Variants in PRIM2 observed in about 807,000 individuals in gnomAD.
PRIM2 encodes DNA primase large subunit.
A neutral mutation model predicts 67.3 loss-of-function variants in PRIM2; 39 were observed. The observed-to-expected ratio is 0.58, with a 90% confidence interval of 0.45 to 0.76. The LOEUF (loss-of-function observed/expected upper bound fraction) is 0.76. PRIM2 is among the 30% of genes least tolerant of loss of function. The probability of loss-of-function intolerance (pLI) is 0.00; values close to 1 mark genes in which losing one functional copy is unlikely to be tolerated. For missense variants in PRIM2, 398 were observed against 598.7 expected (o/e 0.66, Z 3.50); for synonymous variants, 143 against 198.7 (o/e 0.72, Z 2.36).
At chr6:57,527,084 T>C (rs1264716934) in intron 8 of PRIM2, among the ~76,000 whole-genome samples, 3 of 152,188 alleles carry the variant, frequency 2.0e-5, no homozygotes, top group African/African-American at 7.2e-5. Flanking sequence ...CATGAGCCAA[T>C]GTGAATTGCT....
At position 57,646,412 on chromosome 6, in the gene PRIM2, T is replaced by A; in HGVS notation, c.*254T>A. 2.5e-6 allele frequency: 1 copy of A among 401,006 alleles called. No individual in the cohort carries two copies. The highest frequency in any genetic ancestry group is 4.5e-6 in the Non-Finnish European group (1 of 222,198). 24.8% of individuals were successfully genotyped at this position (401,006 alleles called of 1,614,324 possible). On this transcript the variant is annotated 3_prime_UTR_variant, in exon 14 of 14. Coordinates refer to ENST00000615550, the MANE Select transcript of PRIM2 (RefSeq NM_000947.5). ...TTTGTAGAGGTGGGGGGTCTCCCTA[T>A]GTTGCCCAGGCAGATCTCAGACTCC...
intron 7 of PRIM2, among the ~76,000 whole-genome samples, chr6:57,461,680 G>T (rs527306184): frequency 4.6e-5 from 7 of 152,028 alleles, no homozygotes; most frequent in Admixed American, 4.6e-4. Flanking sequence ...ACTCCAGAAA[G>T]GGTTTTTATA....
intron 5 of PRIM2, among the ~76,000 whole-genome samples, chr6:57,355,194 C>A (rs1271729574): frequency 6.6e-6 from 1 of 151,992 alleles, no homozygotes; most frequent in African/African-American, 2.4e-5. Flanking sequence ...ATCCCAGCTA[C>A]TCGGGAGGCT....
chr6:57,618,247 G>A (rs1213159588), intron 12 of PRIM2, among the ~76,000 whole-genome samples: 5 of 152,112 alleles, frequency 3.3e-5, no homozygotes, highest in African/African-American at 1.2e-4. Flanking sequence ...ATGAATTTGA[G>A]GATCAACTTT....
chr6:57,547,745 T>C (rs1314577981), intron 10 of PRIM2, among the ~76,000 whole-genome samples: 2 of 152,158 alleles, frequency 1.3e-5, no homozygotes, highest in African/African-American at 4.8e-5. Flanking sequence ...ACAGCATGCT[T>C]AAGGTCTATT....
intron 7 of PRIM2, among the ~76,000 whole-genome samples, chr6:57,411,963 A>G (rs1301913652): frequency 1.3e-5 from 2 of 151,742 alleles, no homozygotes; most frequent in African/African-American, 4.8e-5. Context: ...TTTGTCTAAA[A>G]TAGATCTTAA....
At chr6:57,274,989 G>A in the PRIM2 span, among the ~76,000 whole-genome samples, 18 of 146,194 alleles carry the variant, frequency 1.2e-4, no homozygotes, top group South Asian at 2.7e-3. Flanking sequence ...GTTTCACCAC[G>A]CTAGCCAGGA....
chr6:57,360,123 G>C (rs1310471264), intron 5 of PRIM2, among the ~76,000 whole-genome samples: 1 of 152,190 alleles, frequency 6.6e-6, no homozygotes, highest in Non-Finnish European at 1.5e-5. Context: ...TCATAGTATA[G>C]ATTGTGGACA....
chr6:57,278,400 C>T, the PRIM2 span, among the ~76,000 whole-genome samples: 1 of 152,136 alleles, frequency 6.6e-6, no homozygotes, highest in Non-Finnish European at 1.5e-5. Flanking sequence ...GTCTGTTATC[C>T]AAAACCATCT....
chr6:57,512,336 T>C (rs1387456011), intron 8 of PRIM2, among the ~76,000 whole-genome samples: 1 of 152,114 alleles, frequency 6.6e-6, no homozygotes, highest in Non-Finnish European at 1.5e-5. Flanking sequence ...GATGAGCATA[T>C]TTACAGGTTA....
intron 10 of PRIM2, among the ~76,000 whole-genome samples, chr6:57,600,884 G>GT (rs1453847034): frequency 6.6e-6 from 1 of 152,068 alleles, no homozygotes; most frequent in Non-Finnish European, 1.5e-5. Flanking sequence ...TTTGTTTTCT[G>GT]TAAGTTTTGT....
At chr6:57,595,706 CA>C (rs1166373072) in intron 10 of PRIM2, among the ~76,000 whole-genome samples, 5 of 152,088 alleles carry the variant, frequency 3.3e-5, no homozygotes, top group Non-Finnish European at 5.9e-5. Flanking sequence ...GGTGAACAGC[CA>C]AAGAAGTACT....
chr6:57,442,400 A>G (rs1772229068), intron 7 of PRIM2, among the ~76,000 whole-genome samples: 1 of 152,002 alleles, frequency 6.6e-6, no homozygotes, highest in Non-Finnish European at 1.5e-5. Context: ...TGAATAATTA[A>G]TAGGAATATG....
chr6:57,318,835 G>T (rs1368787697), intron 2 of PRIM2, among the ~76,000 whole-genome samples: 1 of 152,070 alleles, frequency 6.6e-6, no homozygotes, highest in African/African-American at 2.4e-5. Context: ...GTTCTAGGTG[G>T]CAGGGATTTT....
At chr6:57,631,807 T>C (rs1458086565) in intron 12 of PRIM2, among the ~76,000 whole-genome samples, 14 of 152,234 alleles carry the variant, frequency 9.2e-5, no homozygotes, top group Non-Finnish European at 7.3e-5. Context: ...TGTTGCAATA[T>C]GATGTTCTGA....
chr6:57,224,631 A>G, the PRIM2 span, among the ~76,000 whole-genome samples: 1 of 152,018 alleles, frequency 6.6e-6, no homozygotes, highest in South Asian at 2.1e-4. Context: ...ATTTCTTTTT[A>G]ATGGGAAAAA....
intron 10 of PRIM2, among the ~76,000 whole-genome samples, chr6:57,568,460 C>A (rs1304509633): frequency 2.0e-5 from 3 of 152,162 alleles, no homozygotes; most frequent in Admixed American, 1.3e-4. Context: ...ATGGGAAAAA[C>A]CCCTACTATT....
the PRIM2 span, among the ~76,000 whole-genome samples, chr6:57,288,423 C>T: frequency 6.6e-6 from 1 of 152,168 alleles, no homozygotes; most frequent in East Asian, 1.9e-4. Context: ...TCCGGTCTGA[C>T]AGCTCTGAAG....
chr6:57,628,875 T>C (rs1776999091), intron 12 of PRIM2, among the ~76,000 whole-genome samples: 1 of 152,210 alleles, frequency 6.6e-6, no homozygotes, highest in Non-Finnish European at 1.5e-5. Flanking sequence ...TTGTGGAAAT[T>C]TGACCCTAAA....
Sources: allele counts gnomAD v4.1 joint callset (sites outside exome capture counted in the v4.1 genomes callset), GRCh38; gene constraint gnomAD v4.1.1; transcripts MANE v1.5; gene names NCBI Gene and HGNC (gene_info 2026-07-23, HGNC 2026-07-21).